The following NPBWR2 variants were observed in gnomAD, a reference collection of about 807,000 sequenced individuals.
NPBWR2 encodes the protein neuropeptides B and W receptor 2, also known as neuropeptides B/W receptor type 2.
For missense variants in NPBWR2, 390 were observed against 458.2 expected (o/e 0.85, Z 1.36); for synonymous variants, 207 against 223.5 (o/e 0.93, Z 0.66).
In NPBWR2 at chr20:64,104,388, T is replaced by C. The variant is rs186825125; in HGVS notation, c.*1442A>G. On this transcript the variant is annotated 3_prime_UTR_variant, in exon 2 of 2. Transcript: ENST00000684052. ...TCCCTAGGCTGTGGTGGCCCAGAGG[T>C]CCTGGCAAAAGGGCCCTGTAGCCTC... Among the ~76,000 whole-genome samples, 262 of 152,186 alleles carry C rather than the reference T, an allele frequency of 1.7e-3. 1 individual carries two copies. Among genetic ancestry groups the C allele is most frequent in the African/African-American group, 6.0e-3 (249 of 41,488 alleles).
Position 64,106,682 on chromosome 20 carries a change from G to A in NPBWR2, c.150C>T (p.Ala50=), listed in dbSNP as rs751072807. 31 of 1,612,854 alleles carry A rather than the reference G, an allele frequency of 1.9e-5. No homozygotes were observed. Among genetic ancestry groups the A allele is most frequent in the East Asian group, 1.3e-4 (6 of 44,880 alleles). The part of the protein sequence containing the change: ...PLPFLYVLLP[A]VYSGICAVGL... ...CCACAGCACAGATCCCGGAGTACAC[G>A]GCGGGCAGGAGCACATAGAGGAACG... Residue 50 remains alanine (A), a synonymous_variant, in exon 2 of 2, where the codon GCC becomes GCT. Transcript: ENST00000684052. This position sits in a 1 kb window ranked among gnomAD's most constrained non-coding sequence, Gnocchi z 9.5.
At position 64,105,828 on chromosome 20, in the gene NPBWR2, C is replaced by T. The variant is rs1372598026; in HGVS notation, c.*2G>A. 1.1e-5 allele frequency: 16 copies of T among 1,431,774 alleles called. No homozygotes were observed. Among genetic ancestry groups the T allele is most frequent in the South Asian group, 1.3e-5 (1 of 77,188 alleles). 88.7% of individuals were successfully genotyped at this position (1,431,774 alleles called of 1,614,324 possible). A position where few individuals can be genotyped will look rare whatever the true frequency, so the allele number is the denominator to read the frequency against. On this transcript the variant is annotated 3_prime_UTR_variant, in exon 2 of 2. Coordinates refer to ENST00000684052, the MANE Select transcript of NPBWR2 (RefSeq NM_005286.4). Reference sequence around the variant, plus strand: ...TGATGGGGGTGATGGTGCCCAGGCCCTTCAGCACCGCAATATGCTGCGGAA... The same window carrying T: ...TGATGGGGGTGATGGTGCCCAGGCCTTTCAGCACCGCAATATGCTGCGGAA...
In NPBWR2 at chr20:64,105,811, G is replaced by T. The variant is rs35050335; in HGVS notation, c.*19C>A. 7.4e-7 allele frequency: 1 copy of T among 1,351,890 alleles called. No homozygotes were observed. Among genetic ancestry groups the T allele is most frequent in the Non-Finnish European group, 1.0e-6 (1 of 978,264 alleles). 83.7% of individuals were successfully genotyped at this position (1,351,890 alleles called of 1,614,324 possible). On this transcript the variant is annotated 3_prime_UTR_variant, in exon 2 of 2. Transcript: ENST00000684052. ...GGTGATGATGGGCATGATGATGGGG[G>T]TGATGGTGCCCAGGCCCTTCAGCAC...
rs62218126 is a variant in NPBWR2 at position 64,103,882 on chromosome 20, G to C, written c.*1948C>G. 0.11 allele frequency among the ~76,000 whole-genome samples: 16,767 copies of C among 152,336 alleles called. 1,135 individuals carry two copies. The highest frequency in any genetic ancestry group is 0.15 in the Non-Finnish European group (10,087 of 68,022). On this transcript the variant is annotated 3_prime_UTR_variant, in exon 2 of 2. Transcript: ENST00000684052. ...GGAGGATAAGTGGATGGAGATGGCC[G>C]TGGCGTGTTTGGCTGGCTAGCACGG...
Position 64,106,897 on chromosome 20 carries a change from G to T in NPBWR2, c.-66C>A. 1 of 1,545,400 alleles carries T rather than the reference G, an allele frequency of 6.5e-7. No homozygotes were observed. The highest frequency in any genetic ancestry group is 8.8e-7 in the Non-Finnish European group (1 of 1,141,754). On this transcript the variant is annotated 5_prime_UTR_variant, in exon 2 of 2. Transcript: ENST00000684052. The surrounding 1 kb of genome is among the most constrained non-coding windows in gnomAD (Gnocchi z 9.5). ...GGAGGTGCCTTGGAGTTGGGTATCT[G>T]GTTGGGGGCCTCCTTGGGCTGGATT...
rs150941221 is a variant in NPBWR2 at position 64,106,169 on chromosome 20, G to A, written c.663C>T (p.Phe221=). 8.1e-5 allele frequency: 130 copies of A among 1,612,442 alleles called. No individual in the cohort carries two copies. Among genetic ancestry groups the A allele is most frequent in the Middle Eastern group, 1.6e-4 (1 of 6,082 alleles). Residue 221 remains phenylalanine (F), a synonymous_variant, in exon 2 of 2, where the codon TTC becomes TTT. Coordinates refer to ENST00000684052, the MANE Select transcript of NPBWR2 (RefSeq NM_005286.4). The surrounding 1 kb of genome is among the most constrained non-coding windows in gnomAD (Gnocchi z 9.5). The part of the protein sequence containing the change: ...ASRVYTLVLG[F]VLPVCTICVL... ...CACAGATGGTGCACACGGGCAGCAC[G>A]AAGCCCAGGACCAACGTGTAGACAC...
In NPBWR2 at chr20:64,105,128, CCA is replaced by C. The variant is rs1324861748; in HGVS notation, c.*700_*701del. 6.6e-6 allele frequency among the ~76,000 whole-genome samples: 1 copy of C among 152,120 alleles called. No homozygotes were observed. Among genetic ancestry groups the C allele is most frequent in the East Asian group, 1.9e-4 (1 of 5,158 alleles). On this transcript the variant is annotated 3_prime_UTR_variant, in exon 2 of 2. Coordinates refer to ENST00000684052, the MANE Select transcript of NPBWR2 (RefSeq NM_005286.4). Reference sequence around the variant, plus strand: ...CTGCTGCCTGAGGTGCCCGCACTTACCACCCCCCGGCCCCATCTTGGGGAGAG... The same window carrying C: ...CTGCTGCCTGAGGTGCCCGCACTTACCCCCCCGGCCCCATCTTGGGGAGAG...
chr20:64,105,147 T>C lies in NPBWR2; in HGVS notation c.*683A>G, dbSNP rs1347258229. Among the ~76,000 whole-genome samples the C allele has an allele frequency of 6.6e-6, 1 of 152,020 alleles. No individual in the cohort carries two copies. The highest frequency in any genetic ancestry group is 1.9e-4 in the East Asian group (1 of 5,144). ...CACTTACCACCCCCCGGCCCCATCT[T>C]GGGGAGAGACTATGTAACGTGGCCC... On this transcript the variant is annotated 3_prime_UTR_variant, in exon 2 of 2. Coordinates refer to ENST00000684052, the MANE Select transcript of NPBWR2 (RefSeq NM_005286.4).
chr20:64,106,851 G>A lies in NPBWR2; in HGVS notation c.-20C>T, dbSNP rs774663619. 13 of 1,598,166 alleles carry A rather than the reference G, an allele frequency of 8.1e-6. No homozygotes were observed. In the East Asian group the frequency reaches 9.0e-5, roughly 11 times the overall value. On this transcript the variant is annotated 5_prime_UTR_variant, in exon 2 of 2. Transcript: ENST00000684052. This position sits in a 1 kb window ranked among gnomAD's most constrained non-coding sequence, Gnocchi z 9.5. The stretch of plus-strand genomic sequence containing the variant: ...CTGCATTGTAGCTGGGACCGTTGAC[G>A]ATTTGCGCCCTGGGCAGGTGGGAGG...
rs1473330072 is a variant in NPBWR2, at chr20:64,106,563, G to A, written c.269C>T (p.Ala90Val). The A allele has an allele frequency of 6.2e-7, 1 of 1,611,842 alleles. No homozygotes were observed. Among genetic ancestry groups the A allele is most frequent in the Non-Finnish European group, 8.5e-7 (1 of 1,179,972 alleles). Residue 90 changes from alanine (A) to valine (V), a missense_variant, in exon 2 of 2, where the codon GCC (alanine) becomes GTC (valine). By Grantham distance (64) the Ala-to-Val change is moderately conservative. Coordinates refer to ENST00000684052, the MANE Select transcript of NPBWR2 (RefSeq NM_005286.4). This position sits in a 1 kb window ranked among gnomAD's most constrained non-coding sequence, Gnocchi z 9.5. ...TNVFILNLAVADGLFTLVLPV... is the reference protein window; with the variant it reads ...TNVFILNLAVVDGLFTLVLPV... ...CAGTACCAGCGTGAAGAGCCCGTCG[G>A]CGACGGCCAGGTTCAGGATGAACAC...
chr20:64,105,760 T>TGATGGGGGTGATGATGGGGGGG lies in NPBWR2; in HGVS notation c.*69_*70insCCCCCCCATCATCACCCCCATC, dbSNP rs1979994141. 2 of 1,119,112 alleles carry TGATGGGGGTGATGATGGGGGGG rather than the reference T, an allele frequency of 1.8e-6. No individual in the cohort carries two copies. The highest frequency in any genetic ancestry group is 2.4e-6 in the Non-Finnish European group (2 of 834,300). The allele number at this position is 1,119,112 out of a possible 1,614,324, so 69.3% of individuals were successfully genotyped here. Reference sequence around the variant, plus strand: ...GGGCCTGATGGGGGTGTGGGCATGATGATGATGGGCGTGATGATGATGGGG... The same window carrying TGATGGGGGTGATGATGGGGGGG: ...GGGCCTGATGGGGGTGTGGGCATGATGATGGGGGTGATGATGGGGGGGGATGATGGGCGTGATGATGATGGGG... On this transcript the variant is annotated 3_prime_UTR_variant, in exon 2 of 2. Transcript: ENST00000684052.
At position 64,107,320 on chromosome 20, in the gene NPBWR2, A is replaced by T. The variant is rs1270752468; in HGVS notation, c.-92+44T>A. On this transcript the variant is annotated intron_variant, in intron 1 of 1. Transcript: ENST00000684052. This position sits in a 1 kb window ranked among gnomAD's most constrained non-coding sequence, Gnocchi z 6.3. ...ACCCTCCCTCACACCCTCCCGAGAG[A>T]TGCTGCAGACCCTGCTGGTCCAGCT... 1 of 185,928 alleles carries T rather than the reference A, an allele frequency of 5.4e-6. No individual in the cohort carries two copies. The highest frequency in any genetic ancestry group is 1.3e-4 in the East Asian group (1 of 7,824). The allele number at this position is 185,928 out of a possible 1,614,324, so 11.5% of individuals were successfully genotyped here. A position where few individuals can be genotyped will look rare whatever the true frequency, so the allele number is the denominator to read the frequency against.
At position 64,106,755 on chromosome 20, in the gene NPBWR2, G is replaced by C; in HGVS notation, c.77C>G (p.Ser26Cys). The change falls in exon 2 of 2, where the codon TCT (serine) becomes TGT (cysteine). Residue 26 changes from serine (S) to cysteine (C), a missense_variant. Coordinates refer to ENST00000684052, the MANE Select transcript of NPBWR2 (RefSeq NM_005286.4). The surrounding 1 kb of genome is among the most constrained non-coding windows in gnomAD (Gnocchi z 9.5). ...FSLPTMGANV[S>C]QDNGTGHNAT... is the part of the protein sequence containing the mutation. The stretch of plus-strand genomic sequence containing the variant: ...ATTGTGGCCAGTGCCATTGTCCTGA[G>C]AGACGTTGGCACCCATCGTGGGGAG... The C allele has an allele frequency of 6.2e-7, 1 of 1,612,740 alleles. No homozygotes were observed. Among genetic ancestry groups the C allele is most frequent in the Non-Finnish European group, 8.5e-7 (1 of 1,180,028 alleles).
chr20:64,105,892 A>G lies in NPBWR2; in HGVS notation c.940T>C (p.Phe314Leu). The G allele has an allele frequency of 6.2e-7, 1 of 1,604,878 alleles. No homozygotes were observed. The highest frequency in any genetic ancestry group is 8.5e-7 in the Non-Finnish European group (1 of 1,175,434). ...TTGTCATCTAGAAAGGCGTAGAGGA[A>G]GGGGTTCAGGCACGAGTTGGCGTAG... ...LSYANSCLNP[F>L]LYAFLDDNFR... Residue 314 changes from phenylalanine (F) to leucine (L), a missense_variant, in exon 2 of 2, where the codon TTC (phenylalanine) becomes CTC (leucine). By Grantham distance (22) the Phe-to-Leu change is conservative. Coordinates refer to ENST00000684052, the MANE Select transcript of NPBWR2 (RefSeq NM_005286.4).
Position 64,104,244 on chromosome 20 carries a change from A to AC in NPBWR2, c.*1585dup, listed in dbSNP as rs1376244712. Among the ~76,000 whole-genome samples the AC allele has an allele frequency of 6.6e-6, 1 of 151,460 alleles. No individual in the cohort carries two copies. Among genetic ancestry groups the AC allele is most frequent in the Non-Finnish European group, 1.5e-5 (1 of 67,844 alleles). Reference sequence around the variant, plus strand: ...TCTGAACTGCCTGCATTTCATTACCACCCCTCACCCTGCCCCCACCAGAGT... The same window carrying AC: ...TCTGAACTGCCTGCATTTCATTACCACCCCCTCACCCTGCCCCCACCAGAGT... On this transcript the variant is annotated 3_prime_UTR_variant, in exon 2 of 2. Transcript: ENST00000684052.
In NPBWR2 at chr20:64,107,237, G is replaced by A. The variant is rs1395692085; in HGVS notation, c.-92+127C>T. 8.0e-6 allele frequency: 2 copies of A among 250,098 alleles called. No homozygotes were observed. The highest frequency in any genetic ancestry group is 1.6e-5 in the Non-Finnish European group (2 of 125,108). 15.5% of individuals were successfully genotyped at this position (250,098 alleles called of 1,614,324 possible). A position where few individuals can be genotyped will look rare whatever the true frequency, so the allele number is the denominator to read the frequency against. ...GTCCCTTTGGAAACACACCTCCCAAGCTCATCTCTGGCTCCCTTGAATCTG... is the reference window on the plus strand; with the variant it reads ...GTCCCTTTGGAAACACACCTCCCAAACTCATCTCTGGCTCCCTTGAATCTG... On this transcript the variant is annotated intron_variant, in intron 1 of 1. Coordinates refer to ENST00000684052, the MANE Select transcript of NPBWR2 (RefSeq NM_005286.4). The surrounding 1 kb of genome is among the most constrained non-coding windows in gnomAD (Gnocchi z 6.3).
rs751123142 is a variant in NPBWR2, at chr20:64,105,988, C to T, written c.844G>A (p.Val282Met). 41 of 1,612,326 alleles carry T rather than the reference C, an allele frequency of 2.5e-5. No individual in the cohort carries two copies. The Admixed American group carries it at 5.0e-4, about 20-fold the overall frequency. ...CWTPFHLASV[V>M]ALTTDLPQTP... ...TGGGGCAGGTCCGTGGTCAGGGCCA[C>T]GACAGAGGCCAGGTGGAAGGGCGTC... The change falls in exon 2 of 2, where the codon GTG becomes ATG. Residue 282 changes from valine (V) to methionine (M), a missense_variant. By Grantham distance (21) the Val-to-Met change is conservative. Coordinates refer to ENST00000684052, the MANE Select transcript of NPBWR2 (RefSeq NM_005286.4).
chr20:64,106,314 C>T lies in NPBWR2; in HGVS notation c.518G>A (p.Gly173Asp). Residue 173 changes from glycine (G) to aspartate (D), a missense_variant, in exon 2 of 2, where the codon GGC becomes GAC. Transcript: ENST00000684052. This position sits in a 1 kb window ranked among gnomAD's most constrained non-coding sequence, Gnocchi z 9.5. ...GAAGGGCAGAACCAGGACCGTGACG[C>T]CCAGCCAGACACACAGGCTGGCGAC... is the stretch of plus-strand genomic sequence containing the variant. ...AKVASLCVWL[G>D]VTVLVLPFFS... 6.2e-7 allele frequency: 1 copy of T among 1,612,836 alleles called. No homozygotes were observed. The highest frequency in any genetic ancestry group is 8.5e-7 in the Non-Finnish European group (1 of 1,180,018).
Position 64,104,009 on chromosome 20 carries a change from G to A in NPBWR2, c.*1821C>T, listed in dbSNP as rs1186462798. Reference sequence around the variant, plus strand: ...TACACCCTGGGACACCTCGTGGGGCGGTGAATGGTGGGTCCTGTGTGCCGG... The same window carrying A: ...TACACCCTGGGACACCTCGTGGGGCAGTGAATGGTGGGTCCTGTGTGCCGG... On this transcript the variant is annotated 3_prime_UTR_variant, in exon 2 of 2. Coordinates refer to ENST00000684052, the MANE Select transcript of NPBWR2 (RefSeq NM_005286.4). Among the ~76,000 whole-genome samples the A allele has an allele frequency of 6.6e-6, 1 of 152,300 alleles. No homozygotes were observed. Among genetic ancestry groups the A allele is most frequent in the Admixed American group, 6.5e-5 (1 of 15,310 alleles).
Sources: gnomAD v4.1 joint callset for allele counts (sites outside exome capture counted in the v4.1 genomes callset) on GRCh38, gnomAD v4.1.1 for gene constraint, Gnocchi (gnomAD v3.1) non-coding constraint, MANE v1.5 for transcripts, NCBI Gene and HGNC (gene_info 2026-07-23, HGNC 2026-07-21) for gene names.